Variants in SOD2 observed in about 807,000 individuals in gnomAD.
SOD2 encodes superoxide dismutase 2.
Under a neutral mutation model 27.0 loss-of-function variants are expected in SOD2, and 11 were observed. The observed-to-expected ratio is 0.41, with a 90% CI of 0.26 to 0.67. The LOEUF (loss-of-function observed/expected upper bound fraction) is 0.67. Ranked by LOEUF, SOD2 falls within the 30% of genes least tolerant of loss-of-function variation. The pLI is 0.34. For missense variants in SOD2, 250 were observed against 274.5 expected, an observed-to-expected ratio of 0.91 and a Z score of 0.63; for synonymous variants, 105 against 103.0, an observed-to-expected ratio of 1.02 and a Z score of -0.12.
chr6:159,699,725 A>T (rs1777491421), intron 1 of SOD2, among the ~76,000 whole-genome samples: 1 of 152,214 alleles, frequency 6.6e-6, no homozygotes, highest in Non-Finnish European at 1.5e-5. Context: ...GCTACTAAAG[A>T]GTAGCCCAGA....
At chr6:159,746,953 A>G (rs1484288578), upstream of SOD2, among the ~76,000 whole-genome samples, 1 of 152,222 alleles carries the variant, frequency 6.6e-6, no homozygotes, top group South Asian at 2.1e-4. Flanking sequence ...CTGTCAGTAC[A>G]TGGAGTGCAC....
chr6:159,750,583 C>G (rs546712747), intron 1 of SOD2, among the ~76,000 whole-genome samples: 2 of 152,258 alleles, frequency 1.3e-5, no homozygotes, highest in East Asian at 3.9e-4. Context: ...TTGTTTTAAA[C>G]AAATGTGATC....
intron 1 of SOD2, among the ~76,000 whole-genome samples, chr6:159,718,078 G>C (rs376717332): frequency 3.0e-4 from 45 of 151,834 alleles, no homozygotes; most frequent in African/African-American, 8.2e-4. Context: ...CTATAGCCTT[G>C]AACTCCTGGG....
At chr6:159,683,294 GC>G (rs1290497114) in intron 4 of SOD2, among the ~76,000 whole-genome samples, 2 of 152,130 alleles carry the variant, frequency 1.3e-5, no homozygotes, top group African/African-American at 4.8e-5. Context: ...GACCAGCCTG[GC>G]CAACATGGTG....
At chr6:159,688,613 C>T (rs936739196) in intron 2 of SOD2, among the ~76,000 whole-genome samples, 4 of 152,188 alleles carry the variant, frequency 2.6e-5, no homozygotes, top group African/African-American at 9.7e-5. Flanking sequence ...ACTTTCAAGA[C>T]AGACGACGAT....
chr6:159,739,121 G>T (rs1779091890), intron 1 of SOD2: 1 of 1,206,028 alleles, frequency 8.3e-7, no homozygotes, highest in Non-Finnish European at 1.2e-6. Context: ...AATTGTCTTT[G>T]TGCCAGATAT....
At chr6:159,748,365 G>T, upstream of SOD2, 1 of 1,613,500 alleles carries the variant, frequency 6.2e-7, no homozygotes, top group Non-Finnish European at 8.5e-7. The surrounding 1 kb of genome is among the most constrained non-coding windows in gnomAD (Gnocchi z 5.6). Flanking sequence ...GTTTACGCCT[G>T]ATAGGTAAAC....
rs1036012961 is a variant in SOD2, at chr6:159,675,032, A to G, written c.*7461T>C. The G allele has an allele frequency of 6.6e-6, 1 of 152,134 alleles. No homozygotes were observed. Among genetic ancestry groups the G allele is most frequent in the Non-Finnish European group, 1.5e-5 (1 of 68,018 alleles). 9.4% of individuals were successfully genotyped at this position (152,134 alleles called of 1,614,324 possible). On this transcript the variant is annotated 3_prime_UTR_variant, in exon 5 of 5. Transcript: ENST00000538183. ...AGAGAATAAAATACCTAGGAATCCA[A>G]CTTACAAGGGATGTGAAGGACCTCT...
chr6:159,701,127 C>G (rs985321669), intron 1 of SOD2, among the ~76,000 whole-genome samples: 97 of 152,150 alleles, frequency 6.4e-4, no homozygotes, highest in African/African-American at 2.1e-3. Flanking sequence ...TGCTTCCTCT[C>G]CAGGCCAATC....
At chr6:159,755,639 G>A in intron 1 of SOD2, 3 of 1,544,082 alleles carry the variant, frequency 1.9e-6, no homozygotes. Context: ...TTTATACAGT[G>A]TCATTTAATT....
intron 1 of SOD2, chr6:159,726,819 G>A (rs1300351312): frequency 1.6e-6 from 2 of 1,289,200 alleles, no homozygotes; most frequent in Non-Finnish European, 1.0e-6. Context: ...TGATGAGAGG[G>A]AAGGCATCGG....
rs974482819 is a variant in SOD2, at chr6:159,679,468, G to A, written c.*3025C>T. ...TATGGTTTGGTATTACTTTTTTAAA[G>A]GCGCTCAATAGAAATTCAAATCTCA... On this transcript the variant is annotated 3_prime_UTR_variant, in exon 5 of 5. Coordinates refer to ENST00000538183, the MANE Select transcript of SOD2 (RefSeq NM_000636.4). 1.3e-5 allele frequency: 2 copies of A among 152,294 alleles called. No homozygotes were observed. The highest frequency in any genetic ancestry group is 1.3e-4 in the Admixed American group (2 of 15,298). 9.4% of individuals were successfully genotyped at this position (152,294 alleles called of 1,614,324 possible).
chr6:159,684,029 C>A (rs1257830604), intron 4 of SOD2, among the ~76,000 whole-genome samples: 2 of 152,116 alleles, frequency 1.3e-5, no homozygotes, highest in Admixed American at 6.5e-5. Flanking sequence ...TTTTTTAAAT[C>A]CAATTAGGCT....
At chr6:159,685,237 T>A (rs1489113586) in intron 3 of SOD2, among the ~76,000 whole-genome samples, 60 of 141,484 alleles carry the variant, frequency 4.2e-4, no homozygotes, top group African/African-American at 1.5e-3. Flanking sequence ...TTTTTTTTTT[T>A]TTTTTTTCAT....
intron 2 of SOD2, chr6:159,692,310 T>A: frequency 1.1e-6 from 1 of 895,188 alleles, no homozygotes; most frequent in Admixed American, 4.2e-5. Context: ...AAGAACAATT[T>A]CAATTTGCAA....
chr6:159,702,853 A>G (rs1481477137), intron 1 of SOD2, among the ~76,000 whole-genome samples: 2 of 127,372 alleles, frequency 1.6e-5, no homozygotes, highest in African/African-American at 6.9e-5. Flanking sequence ...CTATCTCGAA[A>G]AAAAAAAAAA....
At position 159,679,515 on chromosome 6, in the gene SOD2, G is replaced by A. The variant is rs1779858493; in HGVS notation, c.*2978C>T. 6.6e-6 allele frequency: 1 copy of A among 152,212 alleles called. No homozygotes were observed. Among genetic ancestry groups the A allele is most frequent in the Non-Finnish European group, 1.5e-5 (1 of 68,044 alleles). 9.4% of individuals were successfully genotyped at this position (152,212 alleles called of 1,614,324 possible). ...CTCACTTTAAGACCATGAATTTCAA[G>A]TTGCAATGAAGTGTACAATAAAGTT... On this transcript the variant is annotated 3_prime_UTR_variant, in exon 5 of 5. Transcript: ENST00000538183.
chr6:159,721,530 G>A (rs575966905), intron 1 of SOD2, among the ~76,000 whole-genome samples: 107 of 151,864 alleles, frequency 7.0e-4, no homozygotes, highest in Admixed American at 2.0e-3. Flanking sequence ...CACCATGCCC[G>A]GCTAATTTTG....
chr6:159,684,096 A>T (rs919119696), intron 4 of SOD2, among the ~76,000 whole-genome samples: 1 of 152,126 alleles, frequency 6.6e-6, no homozygotes, highest in East Asian at 1.9e-4. Flanking sequence ...ATATTTTCAT[A>T]TACTCTACCA....
Sources: allele counts gnomAD v4.1 joint callset (sites outside exome capture counted in the v4.1 genomes callset), GRCh38; gene constraint gnomAD v4.1.1; non-coding constraint Gnocchi (gnomAD v3.1); transcripts MANE v1.5; gene names NCBI Gene and HGNC (gene_info 2026-07-23, HGNC 2026-07-21).